The following NCOA2 variants were observed in gnomAD, a reference collection of about 807,000 sequenced individuals.
NCOA2 encodes nuclear receptor coactivator 2.
In NCOA2, 21 loss-of-function variants were observed where a neutral mutation model predicts 145.1. The ratio of observed to expected loss-of-function variants is 0.14; its 90% confidence interval spans 0.10 to 0.21. The LOEUF (loss-of-function observed/expected upper bound fraction) is 0.21. Ranked by LOEUF, NCOA2 falls within the 10% of genes least tolerant of loss-of-function variation. The pLI is 1.00. For missense variants in NCOA2, 1,472 were observed against 1,837.6 expected, an observed-to-expected ratio of 0.80 and a Z score of 3.64; for synonymous variants, 619 against 637.5, an observed-to-expected ratio of 0.97 and a Z score of 0.44.
intron 22 of NCOA2, among the ~76,000 whole-genome samples, chr8:70,116,381 G>A (rs1236759045): frequency 2.0e-5 from 3 of 152,036 alleles, no homozygotes; most frequent in African/African-American, 7.2e-5. Context: ...GTGAGACCCT[G>A]TCTCTACTAA....
chr8:70,440,674 A>T, the NCOA2 span, among the ~76,000 whole-genome samples: 1 of 150,164 alleles, frequency 6.7e-6, no homozygotes, highest in African/African-American at 2.4e-5. Context: ...GGAGAGAGAG[A>T]AAGAAAGAAA....
chr8:70,148,205 A>G, intron 12 of NCOA2, 68 bp downstream of exon 12: 1 of 1,498,102 alleles, frequency 6.7e-7, no homozygotes, highest in South Asian at 1.1e-5. Context: ...TCAGACTTCA[A>G]TAATCCCTGT....
intron 2 of NCOA2, among the ~76,000 whole-genome samples, chr8:70,226,480 C>A (rs1466842899): frequency 6.6e-6 from 1 of 151,982 alleles, no homozygotes; most frequent in South Asian, 2.1e-4. Flanking sequence ...CTATACTGTA[C>A]TAAGTGGCAC....
At chr8:70,363,917 G>A (rs573988441) in intron 1 of NCOA2, among the ~76,000 whole-genome samples, 29 of 151,782 alleles carry the variant, frequency 1.9e-4, no homozygotes, top group African/African-American at 6.5e-4. Flanking sequence ...CCATCCTCAG[G>A]AGTGTATGGG....
the NCOA2 span, among the ~76,000 whole-genome samples, chr8:70,439,157 A>C: frequency 6.6e-6 from 1 of 152,206 alleles, no homozygotes; most frequent in South Asian, 2.1e-4. Flanking sequence ...TCTGTGGTTT[A>C]AATTCCTAAG....
At chr8:70,449,749 C>A in the NCOA2 span, among the ~76,000 whole-genome samples, 1 of 152,236 alleles carries the variant, frequency 6.6e-6, no homozygotes, top group East Asian at 1.9e-4. Context: ...AGGAGGTCTG[C>A]AGGGGCAGAT....
At chr8:70,240,555 C>T (rs369354505) in intron 2 of NCOA2, among the ~76,000 whole-genome samples, 5 of 152,008 alleles carry the variant, frequency 3.3e-5, no homozygotes, top group African/African-American at 1.2e-4. Flanking sequence ...GGCCCCCAAG[C>T]GTGATGTTGG....
chr8:70,304,643 T>TTTTTG (rs1353507084), intron 1 of NCOA2, among the ~76,000 whole-genome samples: 5 of 151,818 alleles, frequency 3.3e-5, no homozygotes, highest in African/African-American at 7.2e-5. Flanking sequence ...TTTTTTTGTT[T>TTTTTG]TTTTGTTTTG....
At chr8:70,300,169 T>C (rs150409720) in intron 1 of NCOA2, among the ~76,000 whole-genome samples, 35 of 152,170 alleles carry the variant, frequency 2.3e-4, no homozygotes, top group African/African-American at 7.2e-4. Context: ...CAAGATAACT[T>C]TGTGGGGTGA....
the NCOA2 span, among the ~76,000 whole-genome samples, chr8:70,421,912 T>C: frequency 6.6e-6 from 1 of 151,862 alleles, no homozygotes; most frequent in Admixed American, 6.6e-5. Flanking sequence ...CTGGCCAACA[T>C]GGTGAAACCC....
chr8:70,314,209 G>A (rs76782683), intron 1 of NCOA2, among the ~76,000 whole-genome samples: 4,707 of 61,996 alleles, frequency 0.076, 77 homozygotes, highest in East Asian at 0.26. Flanking sequence ...AAAAAAAAAA[G>A]CAACTGTCAT....
At chr8:70,251,618 T>G (rs1021743940) in intron 2 of NCOA2, among the ~76,000 whole-genome samples, 3 of 152,362 alleles carry the variant, frequency 2.0e-5, no homozygotes, top group Admixed American at 6.5e-5. Flanking sequence ...ATGAGAACCC[T>G]AATGGTCTAT....
intron 6 of NCOA2, among the ~76,000 whole-genome samples, chr8:70,167,931 T>A (rs1235543604): frequency 6.6e-6 from 1 of 152,224 alleles, no homozygotes; most frequent in Non-Finnish European, 1.5e-5. Context: ...ACTAGAAAAG[T>A]TGGAATCAGA....
chr8:70,212,066 CATATATATAT>C (rs36215324), intron 4 of NCOA2, among the ~76,000 whole-genome samples: 28,927 of 144,030 alleles, frequency 0.2, 3,017 homozygotes, highest in Middle Eastern at 0.25. Context: ...CTTTGTGGCG[CATATATATAT>C]ATATATATAT....
chr8:70,126,019 G>GA (rs1808375288), intron 19 of NCOA2, among the ~76,000 whole-genome samples: 1 of 152,164 alleles, frequency 6.6e-6, no homozygotes, highest in Admixed American at 6.5e-5. Context: ...AGATCATATA[G>GA]AAAAAGGCTG....
rs189481159 is a variant in NCOA2 at position 70,157,130 on chromosome 8, T to C, written c.1235A>G (p.Asn412Ser). Reference protein sequence around the residue: ...SPAHQALCSGNPGQDMTLSSN... With the variant: ...SPAHQALCSGSPGQDMTLSSN... ...ACTGAGGGTCATGTCCTGACCTGGGTTCCCACTGCACAGGGCCTGATGGGC... is the reference window on the plus strand; with the variant it reads ...ACTGAGGGTCATGTCCTGACCTGGGCTCCCACTGCACAGGGCCTGATGGGC... Residue 412 changes from asparagine (N) to serine (S), a missense_variant, in exon 11 of 23, where the codon AAC (asparagine) becomes AGC (serine). Around this residue, in one of 4 missense-constraint regions of NCOA2, gnomAD observed 953 missense variants for 1,062.1 expected, o/e 0.90. Coordinates refer to ENST00000452400, the MANE Select transcript of NCOA2 (RefSeq NM_006540.4). 1.2e-6 allele frequency: 2 copies of C among 1,613,886 alleles called. No individual in the cohort carries two copies. Among genetic ancestry groups the C allele is most frequent in the African/African-American group, 1.3e-5 (1 of 75,052 alleles).
chr8:70,138,168 A>G, intron 15 of NCOA2, 35 bp downstream of exon 15: 1 of 1,586,734 alleles, frequency 6.3e-7, no homozygotes, highest in East Asian at 2.2e-5. Context: ...GGACAGGTAT[A>G]AAATAACTGG....
chr8:70,397,905 A>G (rs1269460508), intron 1 of NCOA2, among the ~76,000 whole-genome samples: 2 of 152,244 alleles, frequency 1.3e-5, no homozygotes, highest in African/African-American at 4.8e-5. Context: ...AATTAAAATT[A>G]CATACACACA....
At chr8:70,236,610 G>A (rs777957871) in intron 2 of NCOA2, among the ~76,000 whole-genome samples, 1 of 151,884 alleles carries the variant, frequency 6.6e-6, no homozygotes, top group Admixed American at 6.6e-5. Flanking sequence ...TATACAGCTG[G>A]CCCTCTCCGT....
Sources: gnomAD v4.1 joint callset for allele counts (sites outside exome capture counted in the v4.1 genomes callset) on GRCh38, gnomAD v4.1.1 for gene constraint, gnomAD v4.1.1 regional missense constraint, MANE v1.5 for transcripts, NCBI Gene and HGNC (gene_info 2026-07-23, HGNC 2026-07-21) for gene names.